CDH13: variants seen among roughly 807,000 people sequenced by gnomAD.
The protein encoded by CDH13 is cadherin-13.
Under a neutral mutation model 63.8 loss-of-function variants are expected in CDH13, and 24 were observed. That is an observed-to-expected ratio of 0.38 (90% CI 0.27 to 0.53). The LOEUF (loss-of-function observed/expected upper bound fraction) is 0.53. Among genes scored for constraint, CDH13 ranks in the 20% least tolerant of loss-of-function variants. CDH13 has a pLI of 0.85. For synonymous variants in CDH13, 503 were observed against 355.3 expected, an observed-to-expected ratio of 1.42 and a Z score of -4.67; for missense variants, 1,049 against 903.1, an observed-to-expected ratio of 1.16 and a Z score of -2.07.
chr16:83,246,115 T>G (rs905935061), intron 5 of CDH13, among the ~76,000 whole-genome samples: 1 of 152,220 alleles, frequency 6.6e-6, no homozygotes, highest in Non-Finnish European at 1.5e-5. Context: ...ACAGTCAAGA[T>G]TTAGAATAGG....
intron 5 of CDH13, among the ~76,000 whole-genome samples, chr16:83,263,656 T>G (rs16960006): frequency 0.072 from 10,892 of 152,296 alleles, 485 homozygotes; most frequent in East Asian, 0.2. Context: ...TACCACTGCT[T>G]CTTCTGCTTA....
intron 6 of CDH13, among the ~76,000 whole-genome samples, chr16:83,430,335 C>G (rs1019595428): frequency 6.6e-6 from 1 of 152,120 alleles, no homozygotes; most frequent in African/African-American, 2.4e-5. Flanking sequence ...CACACATACT[C>G]CCACACAGCA....
At chr16:83,180,326 A>G (rs574236391) in intron 4 of CDH13, among the ~76,000 whole-genome samples, 5 of 151,458 alleles carry the variant, frequency 3.3e-5, no homozygotes, top group Non-Finnish European at 7.4e-5. Context: ...AGATCAGACG[A>G]TGGATGTATT....
intron 11 of CDH13, among the ~76,000 whole-genome samples, chr16:83,771,511 G>C (rs1209092560): frequency 6.6e-6 from 1 of 152,208 alleles, no homozygotes; most frequent in East Asian, 1.9e-4. Context: ...GGAAGACCGT[G>C]GCAGGGTGCC....
At chr16:83,072,388 A>G (rs2151544556) in intron 3 of CDH13, among the ~76,000 whole-genome samples, 2 of 152,342 alleles carry the variant, frequency 1.3e-5, no homozygotes, top group East Asian at 3.9e-4. Flanking sequence ...TGTACATTAC[A>G]ATATGATCCT....
At chr16:82,802,375 A>G (rs2036907302) in intron 1 of CDH13, among the ~76,000 whole-genome samples, 1 of 152,178 alleles carries the variant, frequency 6.6e-6, no homozygotes, top group African/African-American at 2.4e-5. Context: ...TCAGCTTTAC[A>G]GAATGCTCTT....
At chr16:83,767,867 A>T (rs556260074) in intron 11 of CDH13, among the ~76,000 whole-genome samples, 1 of 152,152 alleles carries the variant, frequency 6.6e-6, no homozygotes, top group African/African-American at 2.4e-5. Context: ...AGTTAGTACA[A>T]ATTGGCCCAA....
intron 7 of CDH13, among the ~76,000 whole-genome samples, chr16:83,520,782 A>G (rs963326254): frequency 1.3e-5 from 2 of 152,182 alleles, no homozygotes; most frequent in African/African-American, 2.4e-5. Context: ...CTGGCCGGGA[A>G]GAGCCTGGAG....
intron 5 of CDH13, among the ~76,000 whole-genome samples, chr16:83,341,377 C>T (rs1159427791): frequency 6.6e-6 from 1 of 152,102 alleles, no homozygotes; most frequent in South Asian, 2.1e-4. Flanking sequence ...GTCTGACCTT[C>T]GTATGAGAAC....
chr16:83,033,767 A>G (rs1157728719), intron 3 of CDH13, among the ~76,000 whole-genome samples: 2 of 152,208 alleles, frequency 1.3e-5, no homozygotes, highest in Non-Finnish European at 2.9e-5. Context: ...CCAGGAGCTC[A>G]GGGACTCCAC....
chr16:83,493,804 T>C (rs964289521), intron 7 of CDH13, among the ~76,000 whole-genome samples: 2 of 152,226 alleles, frequency 1.3e-5, no homozygotes, highest in Non-Finnish European at 2.9e-5. Flanking sequence ...GAGCTGTGAC[T>C]TGGACAGAAA....
At chr16:83,433,044 C>T (rs932276311) in intron 6 of CDH13, among the ~76,000 whole-genome samples, 1 of 152,138 alleles carries the variant, frequency 6.6e-6, no homozygotes, top group African/African-American at 2.4e-5. Context: ...TTTCCAGCTC[C>T]CTTGGCTCTC....
intron 6 of CDH13, among the ~76,000 whole-genome samples, chr16:83,378,508 T>G (rs1013465): frequency 0.52 from 79,067 of 151,990 alleles, 23,288 homozygotes; most frequent in East Asian, 0.82. Flanking sequence ...AGGGGTCCCC[T>G]TCAGTTGGAT....
intron 10 of CDH13, among the ~76,000 whole-genome samples, chr16:83,744,258 A>C (rs1429636024): frequency 6.6e-6 from 1 of 152,176 alleles, no homozygotes; most frequent in Non-Finnish European, 1.5e-5. Context: ...TTACCAGTGC[A>C]TGTGCCTCGC....
chr16:82,668,563 C>T (rs1048396886), intron 1 of CDH13, among the ~76,000 whole-genome samples: 15 of 152,252 alleles, frequency 9.9e-5, no homozygotes, highest in Non-Finnish European at 1.9e-4. Context: ...GTGCTATGTA[C>T]TTTAGCATCA....
intron 7 of CDH13, among the ~76,000 whole-genome samples, chr16:83,548,470 G>A (rs911515986): frequency 3.9e-5 from 6 of 152,162 alleles, no homozygotes; most frequent in Non-Finnish European, 5.9e-5. Context: ...GTAGCGCAGT[G>A]GTTGAGAAAC....
At chr16:82,684,250 C>G (rs920620956) in intron 1 of CDH13, among the ~76,000 whole-genome samples, 1 of 152,210 alleles carries the variant, frequency 6.6e-6, no homozygotes, top group African/African-American at 2.4e-5. Context: ...CAGAACGAAA[C>G]GGTGACTGTG....
chr16:83,224,313 T>G (rs1037703605), intron 5 of CDH13, among the ~76,000 whole-genome samples: 2 of 152,220 alleles, frequency 1.3e-5, no homozygotes, highest in African/African-American at 4.8e-5. Context: ...GCTATAAACA[T>G]GTGTGTGCAA....
chr16:83,500,755 A>G lies in CDH13; in HGVS notation c.960+14100A>G, dbSNP rs186001667. 5.8e-3 allele frequency among the ~76,000 whole-genome samples: 860 copies of G among 149,482 alleles called. 12 individuals carry two copies. The highest frequency in any genetic ancestry group is 0.02 in the African/African-American group (810 of 40,478). The stretch of plus-strand genomic sequence containing the variant: ...ATCTTGCCCGGCTAATTTTTGTTTT[A>G]TTTTTGTGGAGACGGGGTTTCACCA... On this transcript the variant is annotated intron_variant, in intron 7 of 13. Coordinates refer to ENST00000567109, the MANE Select transcript of CDH13 (RefSeq NM_001257.5).
Sources: allele counts gnomAD v4.1 joint callset (sites outside exome capture counted in the v4.1 genomes callset), GRCh38; gene constraint gnomAD v4.1.1; transcripts MANE v1.5; gene names NCBI Gene and HGNC (gene_info 2026-07-23, HGNC 2026-07-21).